The following ANK2 variants were observed in gnomAD, a reference collection of about 807,000 sequenced individuals.
ANK2 encodes ankyrin 2.
A neutral mutation model predicts 360.5 loss-of-function variants in ANK2; 83 were observed. That is an observed-to-expected ratio of 0.23 (90% CI 0.19 to 0.28). The LOEUF (loss-of-function observed/expected upper bound fraction) is 0.28, where lower values mean the gene tolerates loss of function less well. Among genes scored for constraint, ANK2 ranks in the 10% least tolerant of loss-of-function variants. The pLI is 1.00. For missense variants in ANK2, 4,201 were observed against 4,795.7 expected, an observed-to-expected ratio of 0.88 and a Z score of 3.66; for synonymous variants, 1,740 against 1,759.5, an observed-to-expected ratio of 0.99 and a Z score of 0.28.
At chr4:113,228,628 A>G (rs1263915331) in intron 4 of ANK2, among the ~76,000 whole-genome samples, 1 of 151,954 alleles carries the variant, frequency 6.6e-6, no homozygotes, top group African/African-American at 2.4e-5. Context: ...TGCAACTGTG[A>G]ATTGTGCTGC....
chr4:112,726,636 G>A, the ANK2 span, among the ~76,000 whole-genome samples: 1 of 152,036 alleles, frequency 6.6e-6, no homozygotes, highest in African/African-American at 2.4e-5. Flanking sequence ...CAGATCACAA[G>A]GTCAGGAGAT....
upstream of ANK2, among the ~76,000 whole-genome samples, chr4:112,814,437 T>TTTGTTTGTTTG (rs1560631342): frequency 7.6e-5 from 3 of 39,436 alleles, no homozygotes; most frequent in African/African-American, 2.1e-4. Context: ...TTTTTTGTTT[T>TTTGTTTGTTTG]TTTGTTTGTT....
intron 1 of ANK2, among the ~76,000 whole-genome samples, chr4:112,891,438 A>C (rs1560975321): frequency 6.6e-6 from 1 of 152,200 alleles, no homozygotes; most frequent in African/African-American, 2.4e-5. Flanking sequence ...TTTGAGAGTT[A>C]AAAGGAGTGC....
chr4:112,954,715 A>G (rs1282622698), intron 2 of ANK2, among the ~76,000 whole-genome samples: 2 of 152,192 alleles, frequency 1.3e-5, no homozygotes, highest in African/African-American at 4.8e-5. Flanking sequence ...TTAAATTAGA[A>G]AAGTTTTGGT....
At position 113,277,876 on chromosome 4, in the gene ANK2, A is replaced by C. The variant is rs2060803823; in HGVS notation, c.1723A>C (p.Ser575Arg). 1.9e-6 allele frequency: 3 copies of C among 1,614,094 alleles called. No individual in the cohort carries two copies. The East Asian group carries it at 6.7e-5, about 36-fold the overall frequency. ...CCTGCATGTAGCAGCCAAGTATGGA[A>C]GCCTGGATGTGGCAAAACTTCTCTT... ...TPLHVAAKYG[S>R]LDVAKLLLQR... The change falls in exon 16 of 46, where the codon AGC becomes CGC. Residue 575 changes from serine (S) to arginine (R), a missense_variant. By Grantham distance (110) the Ser-to-Arg change is moderately radical. Around this residue, in one of 4 missense-constraint regions of ANK2, gnomAD observed 1,268 missense variants for 1,650.8 expected, o/e 0.77. Transcript: ENST00000357077.
chr4:112,886,809 G>A (rs76186889), intron 1 of ANK2, among the ~76,000 whole-genome samples: 6,326 of 152,152 alleles, frequency 0.042, 380 homozygotes, highest in African/African-American at 0.13. Context: ...AGACCACATA[G>A]TCCAGAATCT....
At chr4:112,834,058 C>T (rs1231248786) in intron 1 of ANK2, among the ~76,000 whole-genome samples, 1 of 152,136 alleles carries the variant, frequency 6.6e-6, no homozygotes, top group Non-Finnish European at 1.5e-5. Context: ...GAAGATTATT[C>T]TCTGTCAGTA....
chr4:112,837,955 G>T (rs1468934249), intron 1 of ANK2, among the ~76,000 whole-genome samples: 1 of 152,194 alleles, frequency 6.6e-6, no homozygotes, highest in Non-Finnish European at 1.5e-5. Flanking sequence ...GACTTTGGGG[G>T]ACTATTGGGA....
At chr4:112,964,322 C>T (rs1034577354) in intron 2 of ANK2, among the ~76,000 whole-genome samples, 2 of 151,292 alleles carry the variant, frequency 1.3e-5, no homozygotes, top group African/African-American at 4.9e-5. Flanking sequence ...CCCCCACCCT[C>T]ACCCCCACTA....
At chr4:113,360,231 A>G (rs2096117635) in intron 38 of ANK2, among the ~76,000 whole-genome samples, 1 of 152,218 alleles carries the variant, frequency 6.6e-6, no homozygotes. Context: ...CCCAAAAGAC[A>G]TATATGCATA....
chr4:113,143,646 T>C (rs2096725562), intron 1 of ANK2, among the ~76,000 whole-genome samples: 1 of 152,074 alleles, frequency 6.6e-6, no homozygotes, highest in Admixed American at 6.6e-5. Flanking sequence ...GCATTCTTTG[T>C]TTTGGGTTTA....
intron 1 of ANK2, among the ~76,000 whole-genome samples, chr4:112,843,966 A>G (rs186624769): frequency 7.3e-4 from 111 of 152,342 alleles, no homozygotes; most frequent in Middle Eastern, 3.4e-3. Flanking sequence ...GGTTCTGTAA[A>G]TAAGTATTTA....
chr4:112,989,200 G>A (rs1026038646), intron 2 of ANK2, among the ~76,000 whole-genome samples: 1 of 152,118 alleles, frequency 6.6e-6, no homozygotes, highest in African/African-American at 2.4e-5. Flanking sequence ...GGTTTACCAA[G>A]TTAAAAATTC....
At chr4:112,902,805 A>G (rs1188092853) in intron 1 of ANK2, among the ~76,000 whole-genome samples, 1 of 152,224 alleles carries the variant, frequency 6.6e-6, no homozygotes, top group Non-Finnish European at 1.5e-5. Flanking sequence ...AATAGCTCCT[A>G]TTAAGGTTTA....
intron 1 of ANK2, among the ~76,000 whole-genome samples, chr4:113,106,556 C>T (rs942067730): frequency 1.3e-5 from 2 of 152,132 alleles, no homozygotes; most frequent in African/African-American, 4.8e-5. Context: ...AGTCGTAATC[C>T]TTAATGCTGA....
intron 21 of ANK2, among the ~76,000 whole-genome samples, chr4:113,292,759 G>A (rs892781440): frequency 6.6e-6 from 1 of 152,084 alleles, no homozygotes; most frequent in Non-Finnish European, 1.5e-5. Context: ...GGGGCCCTCC[G>A]CTTGGGCTGC....
chr4:112,782,934 G>A, the ANK2 span, among the ~76,000 whole-genome samples: 2 of 151,794 alleles, frequency 1.3e-5, no homozygotes, highest in African/African-American at 2.4e-5. Flanking sequence ...TTTTGAGACG[G>A]AGTCTCACTC....
chr4:113,052,805 G>T (rs2067698881), intron 1 of ANK2, among the ~76,000 whole-genome samples: 1 of 152,142 alleles, frequency 6.6e-6, no homozygotes, highest in Non-Finnish European at 1.5e-5. Context: ...CGGGTGCCAG[G>T]AAGAATGCAC....
At chr4:112,805,337 C>T in the ANK2 span, among the ~76,000 whole-genome samples, 1 of 152,068 alleles carries the variant, frequency 6.6e-6, no homozygotes, top group Non-Finnish European at 1.5e-5. Flanking sequence ...TGAGAGGAAA[C>T]CAGAAGTATT....
Sources: allele counts gnomAD v4.1 joint callset (sites outside exome capture counted in the v4.1 genomes callset), GRCh38; gene constraint gnomAD v4.1.1; regional missense constraint gnomAD v4.1.1; transcripts MANE v1.5; gene names NCBI Gene and HGNC (gene_info 2026-07-23, HGNC 2026-07-21).